MSTO1: variants seen among roughly 807,000 people sequenced by gnomAD.
MSTO1 encodes protein misato homolog 1.
MSTO1 carries 24 observed loss-of-function variants against 55.7 expected under a neutral mutation model. That is an observed-to-expected ratio of 0.43 (90% confidence interval 0.31 to 0.61). The LOEUF (loss-of-function observed/expected upper bound fraction) is 0.61, where lower values mean the gene tolerates loss of function less well. MSTO1 is among the 20% of genes least tolerant of loss of function. The probability of loss-of-function intolerance (pLI) is 0.09; values close to 1 mark genes in which losing one functional copy is unlikely to be tolerated. For missense variants in MSTO1, 363 were observed against 625.7 expected, an observed-to-expected ratio of 0.58 and a Z score of 4.48; for synonymous variants, 162 against 252.8, an observed-to-expected ratio of 0.64 and a Z score of 3.41.
At chr1:155,594,617 TTC>T in the MSTO1 span, among the ~76,000 whole-genome samples, 11 of 151,814 alleles carry the variant, frequency 7.2e-5, no homozygotes, top group African/African-American at 1.5e-4. Context: ...TAAGCCGTGT[TTC>T]TCTCTCTCTT....
the MSTO1 span, among the ~76,000 whole-genome samples, chr1:155,596,019 G>A: frequency 6.6e-6 from 1 of 152,024 alleles, no homozygotes; most frequent in Non-Finnish European, 1.5e-5. Flanking sequence ...ATTAATTTGT[G>A]GTCTGTGCTG....
At chr1:155,571,474 A>G in the MSTO1 span, among the ~76,000 whole-genome samples, 7 of 152,150 alleles carry the variant, frequency 4.6e-5, no homozygotes, top group Non-Finnish European at 8.8e-5. Flanking sequence ...AAGGGAGAGG[A>G]TCACTTGAGC....
At chr1:155,605,976 A>T (rs1328723790), upstream of MSTO1, among the ~76,000 whole-genome samples, 8 of 152,204 alleles carry the variant, frequency 5.3e-5, no homozygotes, top group Non-Finnish European at 1.0e-4. Flanking sequence ...GAAAAGGAAA[A>T]TTAGCCAATC....
At chr1:155,607,660 A>C (rs571535397), upstream of MSTO1, among the ~76,000 whole-genome samples, 7 of 152,348 alleles carry the variant, frequency 4.6e-5, no homozygotes, top group African/African-American at 1.7e-4. Flanking sequence ...AACTTCCTTA[A>C]ACTGTCAGAG....
At chr1:155,595,686 A>G in the MSTO1 span, among the ~76,000 whole-genome samples, 1 of 151,086 alleles carries the variant, frequency 6.6e-6, no homozygotes, top group African/African-American at 2.4e-5. Context: ...ATAGAGACAC[A>G]GTTTCACCAT....
At chr1:155,613,374 G>A in intron 11 of MSTO1, 88 bp from the exon 12 acceptor site, 2 of 1,587,476 alleles carry the variant, frequency 1.3e-6, no homozygotes, top group Admixed American at 1.8e-5. Flanking sequence ...TGAATATCTT[G>A]ATCCAGCTGA....
At chr1:155,568,742 T>TTTTTG in the MSTO1 span, among the ~76,000 whole-genome samples, 15 of 152,176 alleles carry the variant, frequency 9.9e-5, no homozygotes, top group African/African-American at 2.4e-4. Context: ...CCAGCCAGTT[T>TTTTTG]TTTTGTTTTG....
chr1:155,591,306 T>A, the MSTO1 span: 1 of 1,439,892 alleles, frequency 6.9e-7, no homozygotes, highest in Non-Finnish European at 9.5e-7. Context: ...TATGCGAAAT[T>A]CCTAGGCCAA....
chr1:155,585,391 C>T, the MSTO1 span, among the ~76,000 whole-genome samples: 5 of 151,948 alleles, frequency 3.3e-5, no homozygotes, highest in Non-Finnish European at 5.9e-5. Context: ...GGCGTGGTGG[C>T]GGGCACCTAT....
chr1:155,577,152 A>G, the MSTO1 span, among the ~76,000 whole-genome samples: 1 of 149,204 alleles, frequency 6.7e-6, no homozygotes, highest in Non-Finnish European at 1.5e-5. Flanking sequence ...GCAGTGGCGC[A>G]ATCTCAGCTC....
chr1:155,600,064 TC>T, the MSTO1 span, among the ~76,000 whole-genome samples: 2 of 152,182 alleles, frequency 1.3e-5, no homozygotes, highest in Admixed American at 6.6e-5. Context: ...CTTATACTAA[TC>T]CTTCTCAGCA....
upstream of MSTO1, among the ~76,000 whole-genome samples, chr1:155,606,198 C>T (rs58002112): frequency 3.2e-3 from 91 of 28,102 alleles, no homozygotes; most frequent in African/African-American, 7.4e-3. Flanking sequence ...CATGCCCAGC[C>T]TTTTTTTTTT....
At chr1:155,567,216 C>T in the MSTO1 span, among the ~76,000 whole-genome samples, 5 of 151,560 alleles carry the variant, frequency 3.3e-5, no homozygotes, top group Admixed American at 6.6e-5. Context: ...CTCTGCCTCC[C>T]GGGTTCAAGT....
chr1:155,594,324 C>G, the MSTO1 span, among the ~76,000 whole-genome samples: 2 of 152,092 alleles, frequency 1.3e-5, no homozygotes, highest in African/African-American at 4.8e-5. Flanking sequence ...TCACTAGAAC[C>G]TGGGAGAGGG....
the MSTO1 span, among the ~76,000 whole-genome samples, chr1:155,568,496 T>A: frequency 2.0e-5 from 3 of 152,238 alleles, no homozygotes; most frequent in African/African-American, 7.2e-5. Context: ...TGGAGTGCAG[T>A]GGTGTGATCT....
Position 155,612,037 on chromosome 1 carries a change from C to T in MSTO1, c.615C>T (p.Pro205=). 6.3e-7 allele frequency: 1 copy of T among 1,598,844 alleles called. No homozygotes were observed. Among genetic ancestry groups the T allele is most frequent in the African/African-American group, 1.4e-5 (1 of 72,458 alleles). Reference sequence around the variant, plus strand: ...AAGGGGAAAGTGTCCTAAAGGAACCCAAGTACCAGGAAGAGCTGGAGGACA... The same window carrying T: ...AAGGGGAAAGTGTCCTAAAGGAACCTAAGTACCAGGAAGAGCTGGAGGACA... The part of the protein sequence containing the change: ...FGQGESVLKE[P]KYQEELEDRL... Residue 205 remains proline (P), a synonymous_variant, in exon 7 of 14, where the codon CCC becomes CCT. Transcript: ENST00000245564.
At chr1:155,597,763 G>A in the MSTO1 span, among the ~76,000 whole-genome samples, 1 of 151,166 alleles carries the variant, frequency 6.6e-6, no homozygotes, top group Non-Finnish European at 1.5e-5. Context: ...ACCCGCCTTG[G>A]TCTCCCAAAG....
the MSTO1 span, among the ~76,000 whole-genome samples, chr1:155,586,913 A>G: frequency 1.3e-5 from 2 of 152,186 alleles, no homozygotes; most frequent in Non-Finnish European, 2.9e-5. Context: ...ATACCTGTCA[A>G]ATCTTTGTAT....
chr1:155,584,176 G>A, the MSTO1 span, among the ~76,000 whole-genome samples: 1 of 152,018 alleles, frequency 6.6e-6, no homozygotes, highest in Non-Finnish European at 1.5e-5. Flanking sequence ...ACCAGCTCTG[G>A]CAACATAGCG....
Sources: gnomAD v4.1 joint callset for allele counts (sites outside exome capture counted in the v4.1 genomes callset) on GRCh38, gnomAD v4.1.1 for gene constraint, MANE v1.5 for transcripts, NCBI Gene and HGNC (gene_info 2026-07-23, HGNC 2026-07-21) for gene names.